TEAD1: variants seen among roughly 807,000 people sequenced by gnomAD.
TEAD1 encodes TEA domain transcription factor 1, also known as transcriptional enhancer factor TEF-1.
A neutral mutation model predicts 54.9 loss-of-function variants in TEAD1; 9 were observed. The ratio of observed to expected loss-of-function variants is 0.16; its 90% CI spans 0.10 to 0.29. The LOEUF (loss-of-function observed/expected upper bound fraction) is 0.29. Among genes scored for constraint, TEAD1 ranks in the 10% least tolerant of loss-of-function variants. TEAD1 has a pLI of 1.00. For synonymous variants in TEAD1, 200 were observed against 187.8 expected (o/e 1.07, Z -0.53); for missense variants, 387 against 535.9 (o/e 0.72, Z 2.74).
chr11:12,686,202 T>G (rs1309803249), intron 2 of TEAD1, among the ~76,000 whole-genome samples: 1 of 152,334 alleles, frequency 6.6e-6, no homozygotes, highest in South Asian at 2.1e-4. Context: ...CCTATGGTAC[T>G]AATAGGAAAT....
At chr11:12,775,968 GC>G (rs61045112) in intron 3 of TEAD1, among the ~76,000 whole-genome samples, 5,015 of 149,006 alleles carry the variant, frequency 0.034, 308 homozygotes, top group African/African-American at 0.12. Flanking sequence ...GTGTTTACTG[GC>G]GGCGGGGGGT....
intron 5 of TEAD1, chr11:12,865,108 CGTGT>C (rs561068078): frequency 1.6e-6 from 1 of 643,452 alleles, no homozygotes; most frequent in Non-Finnish European, 2.8e-6. Flanking sequence ...TGTGTGTTTG[CGTGT>C]GTGTGTGCGT....
At chr11:12,712,369 T>C (rs1943958683) in intron 2 of TEAD1, among the ~76,000 whole-genome samples, 1 of 152,060 alleles carries the variant, frequency 6.6e-6, no homozygotes, top group Non-Finnish European at 1.5e-5. Context: ...CCACTGACAT[T>C]TTATGTGCAC....
chr11:12,804,673 A>G (rs1946131750), intron 3 of TEAD1, among the ~76,000 whole-genome samples: 7 of 152,202 alleles, frequency 4.6e-5, no homozygotes, highest in Admixed American at 4.6e-4. Context: ...AGGAGGATGC[A>G]TACCATGTTA....
intron 3 of TEAD1, among the ~76,000 whole-genome samples, chr11:12,785,240 C>G (rs1302658085): frequency 6.6e-6 from 1 of 152,178 alleles, no homozygotes; most frequent in African/African-American, 2.4e-5. Context: ...CTCTTAGACA[C>G]AGAGCTGGAG....
intron 2 of TEAD1, among the ~76,000 whole-genome samples, chr11:12,677,541 G>A (rs1943123666): frequency 6.6e-6 from 1 of 152,090 alleles, no homozygotes; most frequent in African/African-American, 2.4e-5. Context: ...TTTTTTCCCT[G>A]CTTGAGCTTC....
Position 12,939,906 on chromosome 11 carries a change from C to G in TEAD1, c.*2684C>G, listed in dbSNP as rs1237731742. On this transcript the variant is annotated 3_prime_UTR_variant, in exon 13 of 13. Transcript: ENST00000527636. Reference sequence around the variant, plus strand: ...ATCTAATCTGAGTCTGTCTTTTGTCCTTCATTCTGTATGGCAGTCTCCCTT... The same window carrying G: ...ATCTAATCTGAGTCTGTCTTTTGTCGTTCATTCTGTATGGCAGTCTCCCTT... 6.6e-6 allele frequency: 1 copy of G among 152,162 alleles called. No homozygotes were observed. The highest frequency in any genetic ancestry group is 1.9e-4 in the East Asian group (1 of 5,188). The allele number at this position is 152,162 out of a possible 1,614,324, so 9.4% of individuals were successfully genotyped here. A position where few individuals can be genotyped will look rare whatever the true frequency, so the allele number is the denominator to read the frequency against.
At chr11:12,727,459 C>T (rs1413578806) in intron 2 of TEAD1, among the ~76,000 whole-genome samples, 2 of 152,138 alleles carry the variant, frequency 1.3e-5, no homozygotes, top group Non-Finnish European at 2.9e-5. Context: ...CTGTTTCTGA[C>T]ATCCCCTTAA....
intron 3 of TEAD1, among the ~76,000 whole-genome samples, chr11:12,808,689 C>G (rs1165212052): frequency 2.0e-5 from 3 of 152,146 alleles, no homozygotes; most frequent in Admixed American, 1.3e-4. Context: ...AGGGAAAAAG[C>G]AACCACTGTG....
At chr11:12,882,807 G>A (rs117789512) in intron 8 of TEAD1, among the ~76,000 whole-genome samples, 194 bp from the exon 9 acceptor site, 1,625 of 152,280 alleles carry the variant, frequency 0.011, 19 homozygotes, top group Non-Finnish European at 0.013. Context: ...CACATGCTTT[G>A]TGCTTATTTG....
chr11:12,858,594 A>G (rs910157901), intron 3 of TEAD1, among the ~76,000 whole-genome samples: 4 of 152,216 alleles, frequency 2.6e-5, no homozygotes, highest in African/African-American at 4.8e-5. Context: ...AGGTAGTTCT[A>G]ATATTTAAAA....
intron 3 of TEAD1, among the ~76,000 whole-genome samples, chr11:12,840,035 C>G (rs2134031856): frequency 6.6e-6 from 1 of 151,932 alleles, no homozygotes; most frequent in South Asian, 2.1e-4. Flanking sequence ...ATCATGAGGT[C>G]AGGAGATCAA....
At chr11:12,843,995 G>T (rs1590204862) in intron 3 of TEAD1, among the ~76,000 whole-genome samples, 1 of 152,082 alleles carries the variant, frequency 6.6e-6, no homozygotes, top group African/African-American at 2.4e-5. Flanking sequence ...ATGACATTTT[G>T]TTGGTTGTGA....
chr11:12,883,001 G>C lies in TEAD1; in HGVS notation c.575G>C (p.Gly192Ala). 6.2e-7 allele frequency: 1 copy of C among 1,614,110 alleles called. No individual in the cohort carries two copies. Among genetic ancestry groups the C allele is most frequent in the Non-Finnish European group, 8.5e-7 (1 of 1,180,026 alleles). ...TCAAAGGTGACGATTGCTCTTTCAG[G>C]GTTTGAGCCTGCATCGGCCCCAGCT... The change falls in exon 9 of 13, where the codon GGG (glycine) becomes GCG (alanine). Residue 192 changes from glycine to alanine, a missense_variant and splice_region_variant. Gly to Ala is a moderately conservative substitution (Grantham distance 60, BLOSUM62 0). Transcript: ENST00000527636.
chr11:12,926,862 C>T (rs1415971665), intron 11 of TEAD1, among the ~76,000 whole-genome samples: 1 of 152,084 alleles, frequency 6.6e-6, no homozygotes, highest in Admixed American at 6.6e-5. Flanking sequence ...GGCTGGGACG[C>T]CTGGAACCAG....
intron 2 of TEAD1, among the ~76,000 whole-genome samples, chr11:12,677,670 C>T (rs1339987363): frequency 4.6e-5 from 7 of 152,182 alleles, no homozygotes; most frequent in Non-Finnish European, 1.5e-5. Context: ...GTGTTTAGAT[C>T]ATATTTGTCC....
At chr11:12,936,222 A>G (rs1431570234) in intron 12 of TEAD1, among the ~76,000 whole-genome samples, 1 of 152,208 alleles carries the variant, frequency 6.6e-6, no homozygotes, top group African/African-American at 2.4e-5. Flanking sequence ...GAGGACAGAA[A>G]GGAGTCAGGG....
intron 3 of TEAD1, among the ~76,000 whole-genome samples, chr11:12,803,304 CTTGGCAT>C (rs1423648913): frequency 6.6e-6 from 1 of 152,118 alleles, no homozygotes; most frequent in Admixed American, 6.5e-5. Flanking sequence ...CCCTGAGGGT[CTTGGCAT>C]TTGCAAAGGC....
intron 2 of TEAD1, among the ~76,000 whole-genome samples, chr11:12,702,647 T>G (rs889150639): frequency 6.6e-5 from 10 of 152,260 alleles, no homozygotes; most frequent in Admixed American, 4.6e-4. Context: ...GTGAAACATT[T>G]CCCTTTCCCT....
Sources: gnomAD v4.1 joint callset for allele counts (sites outside exome capture counted in the v4.1 genomes callset) on GRCh38, gnomAD v4.1.1 for gene constraint, MANE v1.5 for transcripts, NCBI Gene and HGNC (gene_info 2026-07-23, HGNC 2026-07-21) for gene names.